The following PALLD variants were observed in gnomAD, a reference collection of about 807,000 sequenced individuals.
PALLD encodes palladin.
PALLD carries 61 observed loss-of-function variants against 123.5 expected under a neutral mutation model. The observed-to-expected ratio is 0.49, with a 90% confidence interval of 0.40 to 0.61. PALLD has a LOEUF of 0.61. Among genes scored for constraint, PALLD ranks in the 20% least tolerant of loss-of-function variants. The pLI, the probability that PALLD is intolerant of heterozygous loss-of-function variation, is 0.00. For missense variants in PALLD, 1,273 were observed against 1,377.0 expected (o/e 0.92, Z 1.20); for synonymous variants, 465 against 496.4 (o/e 0.94, Z 0.84).
chr4:168,546,138 A>G (rs1266088534), intron 2 of PALLD, among the ~76,000 whole-genome samples: 2 of 152,186 alleles, frequency 1.3e-5, no homozygotes, highest in African/African-American at 4.8e-5. Flanking sequence ...AGTAAGGAAC[A>G]GAGAAAGACG....
At chr4:168,744,581 C>T (rs1788676050) in intron 10 of PALLD, among the ~76,000 whole-genome samples, 1 of 152,146 alleles carries the variant, frequency 6.6e-6, no homozygotes, top group Non-Finnish European at 1.5e-5. Flanking sequence ...TCCAACCCCT[C>T]TGTTATTTTA....
rs1732449411 is a variant in PALLD at position 168,759,205 on chromosome 4, ATATATATATATATATAT to A, written c.1964+47283_1964+47299del. ...AAAAAAAAAAAAAAAAAAAAAAAAT[ATATATATATATATATAT>A]ATATATATATATATATATATATAGA... On this transcript the variant is annotated intron_variant, in intron 10 of 21. Transcript: ENST00000505667. Among the ~76,000 whole-genome samples the A allele has an allele frequency of 9.9e-4, 45 of 45,246 alleles. 2 individuals carry two copies. The highest frequency in any genetic ancestry group is 4.1e-3 in the African/African-American group (30 of 7,294). The allele number at this position is 45,246 out of a possible 152,430, so 29.7% of individuals were successfully genotyped here.
At chr4:168,592,968 G>C (rs1771585439) in intron 2 of PALLD, among the ~76,000 whole-genome samples, 1 of 151,686 alleles carries the variant, frequency 6.6e-6, no homozygotes, top group African/African-American at 2.4e-5. Flanking sequence ...TTAAGGCTTT[G>C]CTCCTGAGAT....
At chr4:168,771,248 A>C (rs1006351639) in intron 10 of PALLD, among the ~76,000 whole-genome samples, 13 of 152,192 alleles carry the variant, frequency 8.5e-5, no homozygotes, top group Non-Finnish European at 2.9e-5. Context: ...AAATATAATA[A>C]AAACAAAAGT....
intron 21 of PALLD, among the ~76,000 whole-genome samples, chr4:168,925,741 T>G (rs180868082): frequency 7.9e-5 from 12 of 152,254 alleles, no homozygotes; most frequent in Admixed American, 7.2e-4. Flanking sequence ...AGATTTTGCC[T>G]CTTCTTGAAA....
At chr4:168,582,719 G>A in intron 2 of PALLD, among the ~76,000 whole-genome samples, 1 of 152,132 alleles carries the variant, frequency 6.6e-6, no homozygotes, top group East Asian at 1.9e-4. Flanking sequence ...AATGTGGTAT[G>A]TCACATTTAT....
At chr4:168,863,361 A>G (rs952990749) in intron 10 of PALLD, among the ~76,000 whole-genome samples, 1 of 152,056 alleles carries the variant, frequency 6.6e-6, no homozygotes, top group Non-Finnish European at 1.5e-5. Context: ...CGCAGATCTC[A>G]CCCTCCAAAA....
intron 2 of PALLD, among the ~76,000 whole-genome samples, chr4:168,566,455 G>C (rs1768391288): frequency 6.6e-6 from 1 of 151,970 alleles, no homozygotes; most frequent in African/African-American, 2.4e-5. Flanking sequence ...GAGCCACCAA[G>C]CCCGGCTAAT....
rs1249423823 is a variant in PALLD, at chr4:168,650,006, T to C, written c.909-18184T>C. Among the ~76,000 whole-genome samples the C allele has an allele frequency of 2.6e-5, 4 of 152,090 alleles. No individual in the cohort carries two copies. The East Asian group carries it at 7.7e-4, about 29-fold the overall frequency. On this transcript the variant is annotated intron_variant, in intron 2 of 21. Transcript: ENST00000505667. The stretch of plus-strand genomic sequence containing the variant: ...CTGGCCAACATGGTGAAACCCCATC[T>C]CTACTAAAAGTACAAAAATTAACCA...
chr4:168,846,287 G>A (rs1046175093), intron 10 of PALLD, among the ~76,000 whole-genome samples: 2 of 152,122 alleles, frequency 1.3e-5, no homozygotes, highest in Admixed American at 6.5e-5. Context: ...CTTTTATAAC[G>A]TGGACAACTG....
intron 17 of PALLD, 119 bp from the exon 18 acceptor site, chr4:168,921,406 CAAAAAAAAA>C (rs5863967): frequency 3.0e-5 from 11 of 362,432 alleles, no homozygotes; most frequent in South Asian, 1.8e-4. Flanking sequence ...AAACTCTGTC[CAAAAAAAAA>C]AAAAAAAAAA....
Position 168,878,032 on chromosome 4 carries a change from G to T in PALLD, c.1965-12890G>T, listed in dbSNP as rs1252109828. Reference sequence around the variant, plus strand: ...GCACGCCGGCCTCCAGCCCCAGCTCGTCCAGCCTCCCGTCGCCCATGTCCC... The same window carrying T: ...GCACGCCGGCCTCCAGCCCCAGCTCTTCCAGCCTCCCGTCGCCCATGTCCC... On this transcript the variant is annotated intron_variant, in intron 10 of 21. Coordinates refer to ENST00000505667, the MANE Select transcript of PALLD (RefSeq NM_001166108.2). 6.7e-7 allele frequency: 1 copy of T among 1,489,454 alleles called. No homozygotes were observed. The highest frequency in any genetic ancestry group is 8.9e-7 in the Non-Finnish European group (1 of 1,125,876). The allele number at this position is 1,489,454 out of a possible 1,614,324, so 92.3% of individuals were successfully genotyped here. A position where few individuals can be genotyped will look rare whatever the true frequency, so the allele number is the denominator to read the frequency against.
Position 168,565,773 on chromosome 4 carries a change from G to A in PALLD, c.908+53361G>A, listed in dbSNP as rs1248687635. On this transcript the variant is annotated intron_variant, in intron 2 of 21. Transcript: ENST00000505667. ...TCACCCCACTTCATGAAAAAGAAGAGCTCATAAAAAAGAATCTGTATTGAA... is the reference window on the plus strand; with the variant it reads ...TCACCCCACTTCATGAAAAAGAAGAACTCATAAAAAAGAATCTGTATTGAA... Among the ~76,000 whole-genome samples, 16 of 152,024 alleles carry A rather than the reference G, an allele frequency of 1.1e-4. 1 individual carries two copies. Among genetic ancestry groups the A allele is most frequent in the Admixed American group, 9.2e-4 (14 of 15,260 alleles).
intron 17 of PALLD, among the ~76,000 whole-genome samples, chr4:168,917,280 C>A (rs1000574579): frequency 2.0e-5 from 3 of 152,160 alleles, no homozygotes; most frequent in South Asian, 2.1e-4. Flanking sequence ...AAACTCCTGA[C>A]CTCGTGATCC....
At chr4:168,645,302 G>A (rs1777338926) in intron 2 of PALLD, among the ~76,000 whole-genome samples, 1 of 152,100 alleles carries the variant, frequency 6.6e-6, no homozygotes, top group African/African-American at 2.4e-5. Flanking sequence ...TACCTGATAT[G>A]TATCAGTAGT....
At chr4:168,722,245 A>G (rs890977824) in intron 10 of PALLD, among the ~76,000 whole-genome samples, 2 of 151,956 alleles carry the variant, frequency 1.3e-5, no homozygotes, top group Non-Finnish European at 2.9e-5. Flanking sequence ...GAGTTTTGCC[A>G]TTGTTGCCCA....
chr4:168,687,546 G>A (rs1026836825), intron 6 of PALLD, among the ~76,000 whole-genome samples: 11 of 152,150 alleles, frequency 7.2e-5, no homozygotes, highest in Non-Finnish European at 2.9e-5. Flanking sequence ...GGCCCAACAC[G>A]CCTCTTGGTT....
chr4:168,627,006 C>G (rs904656278), intron 2 of PALLD, among the ~76,000 whole-genome samples: 2 of 152,280 alleles, frequency 1.3e-5, no homozygotes, highest in Admixed American at 1.3e-4. Flanking sequence ...ATAAAATGTT[C>G]TGGAGATCTT....
intron 10 of PALLD, among the ~76,000 whole-genome samples, chr4:168,721,158 T>C (rs1785973540): frequency 6.6e-6 from 1 of 152,228 alleles, no homozygotes. Context: ...ATATTAGGTG[T>C]TTTACATGAA....
Sources: allele counts gnomAD v4.1 joint callset (sites outside exome capture counted in the v4.1 genomes callset), GRCh38; gene constraint gnomAD v4.1.1; transcripts MANE v1.5; gene names NCBI Gene and HGNC (gene_info 2026-07-23, HGNC 2026-07-21).